Variants in AFF1 observed in about 807,000 individuals in gnomAD.
The protein encoded by AFF1 is ALF transcription elongation factor 1.
In AFF1, 48 loss-of-function variants were observed where a neutral mutation model predicts 121.7. The observed-to-expected ratio is 0.39, with a 90% CI of 0.31 to 0.50. The LOEUF is 0.50. Ranked by LOEUF, AFF1 falls within the 20% of genes least tolerant of loss-of-function variation. The pLI, the probability that AFF1 is intolerant of heterozygous loss-of-function variation, is 0.76. For missense variants in AFF1, 1,523 were observed against 1,511.7 expected (o/e 1.01, Z -0.12); for synonymous variants, 613 against 563.0 (o/e 1.09, Z -1.26).
intron 8 of AFF1, among the ~76,000 whole-genome samples, chr4:87,101,584 G>GAA (rs57043448): frequency 0.54 from 80,898 of 148,484 alleles, 22,281 homozygotes; most frequent in Middle Eastern, 0.68. Context: ...GTCTGAAAAA[G>GAA]AAAAAAAAAA....
intron 2 of AFF1, among the ~76,000 whole-genome samples, chr4:86,998,098 C>CAAAAAAAAAAAAAAAAAAAAAA (rs56741955): frequency 6.5e-5 from 6 of 91,752 alleles, no homozygotes; most frequent in East Asian, 3.3e-4. Flanking sequence ...AACTCCGTCT[C>CAAAAAAAAAAAAAAAAAAAAAA]AAAAAAAAAA....
At chr4:87,052,305 C>T (rs1218262850) in intron 4 of AFF1, among the ~76,000 whole-genome samples, 1 of 152,100 alleles carries the variant, frequency 6.6e-6, no homozygotes, top group Non-Finnish European at 1.5e-5. Context: ...TCCAGCTACT[C>T]AGGAGGCTGA....
At chr4:87,060,230 TTCAGAATTGAGCCTGGA>T (rs1193448780) in intron 4 of AFF1, among the ~76,000 whole-genome samples, 1 of 152,210 alleles carries the variant, frequency 6.6e-6, no homozygotes, top group Non-Finnish European at 1.5e-5. Flanking sequence ...TACTGTACTT[TTCAGAATTGAGCCTGGA>T]GATTAATCAG....
chr4:87,126,818 T>C (rs1728294961), intron 14 of AFF1, among the ~76,000 whole-genome samples: 1 of 152,166 alleles, frequency 6.6e-6, no homozygotes, highest in Non-Finnish European at 1.5e-5. Context: ...TCTTGGACAT[T>C]CTAGTCTTTT....
At chr4:87,049,498 A>G (rs1382122400) in intron 4 of AFF1, among the ~76,000 whole-genome samples, 12 of 152,160 alleles carry the variant, frequency 7.9e-5, no homozygotes, top group Admixed American at 6.5e-5. Context: ...TGTATTTTGA[A>G]CATAGGACTA....
At chr4:86,951,285 C>T (rs1721285331) in intron 2 of AFF1, among the ~76,000 whole-genome samples, 1 of 152,034 alleles carries the variant, frequency 6.6e-6, no homozygotes, top group African/African-American at 2.4e-5. Context: ...ATTCCCCGCC[C>T]CCCAGCCTAA....
chr4:87,020,875 C>G (rs1052852138), intron 2 of AFF1: 2 of 966,836 alleles, frequency 2.1e-6, no homozygotes, highest in African/African-American at 3.5e-5. Flanking sequence ...ATGTATTCTT[C>G]CAGAAGGTTT....
Position 87,111,012 on chromosome 4 carries a change from A to ATTTTATTTTATTT in AFF1, c.1533+2701_1533+2702insATTTTATTTTTTT, listed in dbSNP as rs1344382644. ...ACTTAAACTTTATTTTTTTTTTTTT[A>ATTTTATTTTATTT]TTTTTTTTTTTTTGAGACGGAGTCT... On this transcript the variant is annotated intron_variant, in intron 11 of 20. Coordinates refer to ENST00000395146, the MANE Select transcript of AFF1 (RefSeq NM_001166693.3). Among the ~76,000 whole-genome samples the ATTTTATTTTATTT allele has an allele frequency of 7.2e-4, 21 of 29,274 alleles. 2 individuals carry two copies. Among genetic ancestry groups the ATTTTATTTTATTT allele is most frequent in the African/African-American group, 1.6e-3 (18 of 11,228 alleles). 19.2% of individuals were successfully genotyped at this position (29,274 alleles called of 152,430 possible). A position where few individuals can be genotyped will look rare whatever the true frequency, so the allele number is the denominator to read the frequency against.
In AFF1 at chr4:87,047,410, C is replaced by G; in HGVS notation, c.875C>G (p.Ala292Gly). The change falls in exon 4 of 21, where the codon GCA becomes GGA. Residue 292 changes from alanine to glycine, a missense_variant. Physicochemically the swap from Ala to Gly is moderately conservative, Grantham distance 60. Transcript: ENST00000395146. ...CCCTCCCTCCCCTCAAAAAGTGTTGCAATGCAGCAGAAGCCCACGGCTTAT... is the reference window on the plus strand; with the variant it reads ...CCCTCCCTCCCCTCAAAAAGTGTTGGAATGCAGCAGAAGCCCACGGCTTAT... ...PPPSLPSKSVAMQQKPTAYVR... is the reference protein window; with the variant it reads ...PPPSLPSKSVGMQQKPTAYVR... 7 of 1,614,102 alleles carry G rather than the reference C, an allele frequency of 4.3e-6. No homozygotes were observed. The highest frequency in any genetic ancestry group is 5.9e-6 in the Non-Finnish European group (7 of 1,180,008).
intron 17 of AFF1, among the ~76,000 whole-genome samples, chr4:87,131,589 C>CA (rs1327950804): frequency 6.6e-6 from 1 of 152,186 alleles, no homozygotes; most frequent in African/African-American, 2.4e-5. Context: ...AAGAGGTAGA[C>CA]AAGCCACACA....
chr4:87,117,133 C>T (rs1423086475), intron 12 of AFF1, among the ~76,000 whole-genome samples: 1 of 152,200 alleles, frequency 6.6e-6, no homozygotes, highest in South Asian at 2.1e-4. Flanking sequence ...CAGTCCAGTT[C>T]ATACCCCAGT....
At chr4:87,093,786 G>A (rs1227750468) in intron 7 of AFF1, among the ~76,000 whole-genome samples, 1 of 152,164 alleles carries the variant, frequency 6.6e-6, no homozygotes, top group African/African-American at 2.4e-5. Context: ...TGACATTTGT[G>A]GGAAATGTCA....
chr4:87,023,768 T>C (rs1002830823), intron 2 of AFF1, among the ~76,000 whole-genome samples: 1 of 152,214 alleles, frequency 6.6e-6, no homozygotes, highest in African/African-American at 2.4e-5. Flanking sequence ...AACGGTGCAA[T>C]CACTGAAATA....
At chr4:87,050,083 AAGGAAAGTGTAG>A (rs1731122950) in intron 4 of AFF1, among the ~76,000 whole-genome samples, 1 of 152,170 alleles carries the variant, frequency 6.6e-6, no homozygotes, top group Non-Finnish European at 1.5e-5. Flanking sequence ...TGGTGAACCC[AAGGAAAGTGTAG>A]AGATGTAGGA....
At position 87,115,625 on chromosome 4, in the gene AFF1, T is replaced by TC. The variant is rs1553934973; in HGVS notation, c.2466+328dup. Reference sequence around the variant, plus strand: ...AACCCACCTCTTTTTTTTTTTTTTTTCCAAAGACAGGCCCTTGCTCTGTTG... The same window carrying TC: ...AACCCACCTCTTTTTTTTTTTTTTTTCCCAAAGACAGGCCCTTGCTCTGTTG... On this transcript the variant is annotated intron_variant, in intron 12 of 20. Coordinates refer to ENST00000395146, the MANE Select transcript of AFF1 (RefSeq NM_001166693.3). 3.4e-4 allele frequency among the ~76,000 whole-genome samples: 35 copies of TC among 103,036 alleles called. 2 individuals carry two copies. The highest frequency in any genetic ancestry group is 1.8e-3 in the East Asian group (5 of 2,760). The allele number at this position is 103,036 out of a possible 152,430, so 67.6% of individuals were successfully genotyped here. A position where few individuals can be genotyped will look rare whatever the true frequency, so the allele number is the denominator to read the frequency against.
At chr4:87,073,825 A>G (rs993672437) in intron 4 of AFF1, among the ~76,000 whole-genome samples, 1 of 152,230 alleles carries the variant, frequency 6.6e-6, no homozygotes, top group Non-Finnish European at 1.5e-5. Flanking sequence ...CTTCCTGAAC[A>G]TTGTTTGCAC....
At chr4:87,056,396 A>G (rs1281107960) in intron 4 of AFF1, among the ~76,000 whole-genome samples, 1 of 152,134 alleles carries the variant, frequency 6.6e-6, no homozygotes, top group African/African-American at 2.4e-5. Flanking sequence ...ACAACCCCAC[A>G]CTATATTATA....
At chr4:87,114,176 A>G (rs1478711295) in intron 11 of AFF1, among the ~76,000 whole-genome samples, 191 bp from the exon 12 acceptor site, 4 of 152,322 alleles carry the variant, frequency 2.6e-5, no homozygotes, top group South Asian at 4.1e-4. Context: ...ATCCCACAAA[A>G]AAGTGAAGGT....
At chr4:87,106,276 G>A (rs568514842) in intron 10 of AFF1, among the ~76,000 whole-genome samples, 85 of 152,128 alleles carry the variant, frequency 5.6e-4, no homozygotes, top group Non-Finnish European at 1.1e-3. Context: ...CCAGCTACTC[G>A]GCAGGCTGAG....
Sources: allele counts gnomAD v4.1 joint callset (sites outside exome capture counted in the v4.1 genomes callset), GRCh38; gene constraint gnomAD v4.1.1; transcripts MANE v1.5; gene names NCBI Gene and HGNC (gene_info 2026-07-23, HGNC 2026-07-21).